HNRNPU: variants seen among roughly 807,000 people sequenced by gnomAD.
The protein encoded by HNRNPU is heterogeneous nuclear ribonucleoprotein U, also known as HNRNPU antisense RNA 1.
HNRNPU carries 5 observed loss-of-function variants against 94.7 expected under a neutral mutation model. That is an observed-to-expected ratio of 0.05 (90% CI 0.03 to 0.11). The LOEUF (loss-of-function observed/expected upper bound fraction) is 0.11, where lower values mean the gene tolerates loss of function less well. HNRNPU is among the 10% of genes least tolerant of loss of function. HNRNPU has a pLI of 1.00. For synonymous variants in HNRNPU, 434 were observed against 381.6 expected (o/e 1.14, Z -1.60); for missense variants, 710 against 1,049.2 (o/e 0.68, Z 4.47).
At position 244,864,059 on chromosome 1, in the gene HNRNPU, A is replaced by T. The variant is rs1363572292; in HGVS notation, c.249T>A (p.Asp83Glu). The T allele has an allele frequency of 1.2e-6, 2 of 1,602,840 alleles. No individual in the cohort carries two copies. Among genetic ancestry groups the T allele is most frequent in the South Asian group, 1.1e-5 (1 of 90,136 alleles). The change falls in exon 1 of 14, where the codon GAT becomes GAA. Residue 83 changes from aspartate to glutamate, a missense_variant. Asp to Glu is a conservative substitution (Grantham distance 45). Coordinates refer to ENST00000640218, the MANE Select transcript of HNRNPU (RefSeq NM_031844.3). ...CCTCTTCCTCTTCCTCCTCCTCTTC[A>T]TCGCCGCCGGCCGCGGCCTCCTGCT... ...GLEQEAAAGG[D>E]EEEEEEEEEE...
In HNRNPU at chr1:244,852,308, C is replaced by T. The variant is rs1003445180; in HGVS notation, c.*2142G>A. The T allele has an allele frequency of 6.6e-6, 1 of 152,136 alleles. No homozygotes were observed. Among genetic ancestry groups the T allele is most frequent in the African/African-American group, 2.4e-5 (1 of 41,420 alleles). 9.4% of individuals were successfully genotyped at this position (152,136 alleles called of 1,614,324 possible). ...TCTGGGTGCCATTTTTATCTATTCTCTCTCCCCCCAAATTCTCTGGGCTAA... is the reference window on the plus strand; with the variant it reads ...TCTGGGTGCCATTTTTATCTATTCTTTCTCCCCCCAAATTCTCTGGGCTAA... On this transcript the variant is annotated 3_prime_UTR_variant, in exon 14 of 14. Transcript: ENST00000640218.
rs1167124620 is a variant in HNRNPU, at chr1:244,853,339, TTATA to T, written c.*1107_*1110del. 6.6e-6 allele frequency: 1 copy of T among 152,408 alleles called. No individual in the cohort carries two copies. The highest frequency in any genetic ancestry group is 2.4e-5 in the African/African-American group (1 of 41,384). The allele number at this position is 152,408 out of a possible 1,614,324, so 9.4% of individuals were successfully genotyped here. On this transcript the variant is annotated 3_prime_UTR_variant, in exon 14 of 14. Coordinates refer to ENST00000640218, the MANE Select transcript of HNRNPU (RefSeq NM_031844.3). ...CTTAATAAATTTCTCCTCTTGGGAG[TTATA>T]TAAAGGGATTTTGAACCTTGATGGC...
At chr1:244,855,101 G>C in intron 12 of HNRNPU, 57 bp from the exon 13 acceptor site, 1 of 1,378,848 alleles carries the variant, frequency 7.3e-7, no homozygotes, top group South Asian at 1.2e-5. Context: ...TTAGGTTTGT[G>C]GGGGTGAGAG....
intron 1 of HNRNPU, chr1:244,863,049 G>T (rs1026604408): frequency 1.3e-5 from 4 of 314,998 alleles, no homozygotes; most frequent in Non-Finnish European, 1.8e-5. Context: ...GCGCGGCGGC[G>T]CTCCCCTCCC....
At chr1:244,858,527 T>C (rs758302084) in intron 6 of HNRNPU, 2 of 607,466 alleles carry the variant, frequency 3.3e-6, no homozygotes, top group Non-Finnish European at 2.9e-6. Context: ...TTCACTGTTT[T>C]CAGTCAAAAT....
At position 244,856,166 on chromosome 1, in the gene HNRNPU, A is replaced by G. The variant is rs868188663; in HGVS notation, c.1913-8T>C. 12 of 1,594,892 alleles carry G rather than the reference A, an allele frequency of 7.5e-6. No individual in the cohort carries two copies. Among genetic ancestry groups the G allele is most frequent in the Non-Finnish European group, 1.0e-5 (12 of 1,173,874 alleles). On this transcript the variant is annotated splice_region_variant and splice_polypyrimidine_tract_variant and intron_variant, in intron 10 of 13. Coordinates refer to ENST00000640218, the MANE Select transcript of HNRNPU (RefSeq NM_031844.3). ...CTGGGAGGGTAAAGTTTCCTGCAGG[A>G]AACAAAGTCATATTATTAATTTAGA...
rs759569722 is a variant in HNRNPU at position 244,856,502 on chromosome 1, C to T, written c.1867G>A (p.Val623Ile). 6.2e-7 allele frequency: 1 copy of T among 1,614,022 alleles called. No homozygotes were observed. The highest frequency in any genetic ancestry group is 2.2e-5 in the East Asian group (1 of 44,884). The change falls in exon 10 of 14, where the codon GTA (valine) becomes ATA (isoleucine). Residue 623 changes from valine (V) to isoleucine (I), a missense_variant. Physicochemically the swap from Val to Ile is conservative, Grantham distance 29. Around this residue, in one of 8 missense-constraint regions of HNRNPU, gnomAD observed 31 missense variants for 132.4 expected, o/e 0.23. Coordinates refer to ENST00000640218, the MANE Select transcript of HNRNPU (RefSeq NM_031844.3). ...TGTTCTGGTAGGTCTTTCCCCTCTA[C>T]TTCTGCTTTCTTCTGTGTTCTTTGC... is the stretch of plus-strand genomic sequence containing the variant. The part of the protein sequence containing the change: ...YKQRTQKKAE[V>I]EGKDLPEHAV...
rs768134567 is a variant in HNRNPU at position 244,858,101 on chromosome 1, T to C, written c.1404A>G (p.Pro468=). 3 of 1,614,112 alleles carry C rather than the reference T, an allele frequency of 1.9e-6. No homozygotes were observed. Among genetic ancestry groups the C allele is most frequent in the Non-Finnish European group, 2.5e-6 (3 of 1,179,942 alleles). The change falls in exon 7 of 14, where the codon CCA becomes CCG. Residue 468 remains proline, a synonymous_variant. Coordinates refer to ENST00000640218, the MANE Select transcript of HNRNPU (RefSeq NM_031844.3). ...GGATGAAAGTATACTCTTCAGGTAT[T>C]GGAAAATATGGCTTTTCCTTCTGAC... is the stretch of plus-strand genomic sequence containing the variant. ...NFGQKEKPYF[P]IPEEYTFIQN...
chr1:244,858,115 T>C lies in HNRNPU; in HGVS notation c.1390A>G (p.Lys464Glu). 1 of 1,614,180 alleles carries C rather than the reference T, an allele frequency of 6.2e-7. No individual in the cohort carries two copies. Among genetic ancestry groups the C allele is most frequent in the Non-Finnish European group, 8.5e-7 (1 of 1,180,030 alleles). ...TCTTCAGGTATTGGAAAATATGGCTTTTCCTTCTGACCAAAATTAAATTCA... is the reference window on the plus strand; with the variant it reads ...TCTTCAGGTATTGGAAAATATGGCTCTTCCTTCTGACCAAAATTAAATTCA... ...AVEFNFGQKE[K>E]PYFPIPEEYT... The change falls in exon 7 of 14, where the codon AAG becomes GAG. Residue 464 changes from lysine to glutamate, a missense_variant. By Grantham distance (56) the Lys-to-Glu change is moderately conservative. Around this residue, in one of 8 missense-constraint regions of HNRNPU, gnomAD observed 150 missense variants for 187.9 expected, o/e 0.80. Coordinates refer to ENST00000640218, the MANE Select transcript of HNRNPU (RefSeq NM_031844.3).
chr1:244,863,534 C>T (rs1398048423), intron 1 of HNRNPU, 83 bp downstream of exon 1: 1 of 1,275,744 alleles, frequency 7.8e-7, no homozygotes, highest in Non-Finnish European at 9.8e-7. Context: ...CTCCCTCCCC[C>T]TGCGGGGCTC....
intron 1 of HNRNPU, chr1:244,863,153 C>G (rs1680890503): frequency 5.6e-6 from 1 of 177,802 alleles, no homozygotes; most frequent in East Asian, 1.7e-4. Flanking sequence ...GACGTCACGC[C>G]GAGCCCCTGC....
At position 244,855,687 on chromosome 1, in the gene HNRNPU, T is replaced by C. The variant is rs182118911; in HGVS notation, c.2168-79A>G. On this transcript the variant is annotated intron_variant, in intron 11 of 13. Coordinates refer to ENST00000640218, the MANE Select transcript of HNRNPU (RefSeq NM_031844.3). Reference sequence around the variant, plus strand: ...GAAGACTTAGGATTCCTCTAGATTGTTCCTTTTTCTCCAAAAATAATTGTT... The same window carrying C: ...GAAGACTTAGGATTCCTCTAGATTGCTCCTTTTTCTCCAAAAATAATTGTT... 2.1e-6 allele frequency: 3 copies of C among 1,451,086 alleles called. No individual in the cohort carries two copies. In the Admixed American group the frequency reaches 6.5e-5, roughly 32 times the overall value. 89.9% of individuals were successfully genotyped at this position (1,451,086 alleles called of 1,614,324 possible).
intron 10 of HNRNPU, 105 bp downstream of exon 10, chr1:244,856,352 G>T: frequency 7.9e-7 from 1 of 1,272,368 alleles, no homozygotes; most frequent in Non-Finnish European, 1.1e-6. Context: ...CTTTCAGGAG[G>T]CCTAAGTCCT....
chr1:244,858,624 T>C (rs1469964752), intron 6 of HNRNPU, 105 bp downstream of exon 6: 2 of 687,692 alleles, frequency 2.9e-6, no homozygotes, highest in Non-Finnish European at 5.2e-6. Flanking sequence ...GACTGGTGTA[T>C]TTTGTTGCTC....
chr1:244,851,041 T>G lies in HNRNPU; in HGVS notation c.*3409A>C, dbSNP rs1175756962. ...CCAGGATGGTCTCAAACTCCTGAGC[T>G]CAAGTGATCCTCCCGCCTTGGCCTC... On this transcript the variant is annotated 3_prime_UTR_variant, in exon 14 of 14. Coordinates refer to ENST00000640218, the MANE Select transcript of HNRNPU (RefSeq NM_031844.3). 1 of 152,094 alleles carries G rather than the reference T, an allele frequency of 6.6e-6. No individual in the cohort carries two copies. The highest frequency in any genetic ancestry group is 1.9e-4 in the East Asian group (1 of 5,176). The allele number at this position is 152,094 out of a possible 1,614,324, so 9.4% of individuals were successfully genotyped here. A position where few individuals can be genotyped will look rare whatever the true frequency, so the allele number is the denominator to read the frequency against.
Position 244,863,706 on chromosome 1 carries a change from G to T in HNRNPU, c.602C>A (p.Pro201His). Residue 201 changes from proline to histidine, a missense_variant, in exon 1 of 14, where the codon CCC becomes CAC. This residue lies in a region of HNRNPU where 292 missense variants were observed against 293.4 expected (regional missense o/e 1.00). Coordinates refer to ENST00000640218, the MANE Select transcript of HNRNPU (RefSeq NM_031844.3). Reference sequence around the variant, plus strand: ...CTGCTGCTGGCCCTGCCTCGCCCCGGGCGGCGCCACCGTCACCGCGAACAG... The same window carrying T: ...CTGCTGCTGGCCCTGCCTCGCCCCGTGCGGCGCCACCGTCACCGCGAACAG... ...TSLFAVTVAPPGARQGQQQAG... is the reference protein window; with the variant it reads ...TSLFAVTVAPHGARQGQQQAG... The T allele has an allele frequency of 6.4e-7, 1 of 1,564,814 alleles. No homozygotes were observed. The highest frequency in any genetic ancestry group is 1.8e-5 in the Admixed American group (1 of 54,458).
rs1680770554 is a variant in HNRNPU, at chr1:244,859,487, A to G, written c.1018-113T>C. 13 of 599,322 alleles carry G rather than the reference A, an allele frequency of 2.2e-5. 1 individual carries two copies. In the South Asian group the frequency reaches 2.3e-4, roughly 11 times the overall value. 37.1% of individuals were successfully genotyped at this position (599,322 alleles called of 1,614,324 possible). A position where few individuals can be genotyped will look rare whatever the true frequency, so the allele number is the denominator to read the frequency against. ...TCTTCCTCTAGCTATAAATACAAAG[A>G]AGGCACACTCTAGCCCACCCCCAAT... On this transcript the variant is annotated intron_variant, in intron 4 of 13. Coordinates refer to ENST00000640218, the MANE Select transcript of HNRNPU (RefSeq NM_031844.3).
chr1:244,863,469 T>C (rs1300957481), intron 1 of HNRNPU, 148 bp downstream of exon 1: 7 of 1,044,166 alleles, frequency 6.7e-6, no homozygotes, highest in African/African-American at 1.7e-5. Context: ...TCGGCTAATC[T>C]GGGATTCCCC....
At chr1:244,862,380 A>T in intron 3 of HNRNPU, 81 bp downstream of exon 3, 1 of 958,288 alleles carries the variant, frequency 1.0e-6, no homozygotes, top group Non-Finnish European at 1.6e-6. Flanking sequence ...TGCTGCACTT[A>T]AGCATTAAGA....
Sources: allele counts gnomAD v4.1 joint callset, GRCh38; gene constraint gnomAD v4.1.1; regional missense constraint gnomAD v4.1.1; transcripts MANE v1.5; gene names NCBI Gene and HGNC (gene_info 2026-07-23, HGNC 2026-07-21).